GPC5: variants seen among roughly 807,000 people sequenced by gnomAD.
GPC5 encodes the protein glypican 5.
In GPC5, 47 loss-of-function variants were observed where a neutral mutation model predicts 53.9. The observed-to-expected ratio is 0.87, with a 90% CI of 0.69 to 1.11. The LOEUF (loss-of-function observed/expected upper bound fraction) is 1.11. Among genes scored for constraint, GPC5 ranks in the 50% most tolerant of loss-of-function variants. GPC5 has a pLI of 0.00. For missense variants in GPC5, 748 were observed against 713.1 expected (o/e 1.05, Z -0.56); for synonymous variants, 286 against 263.3 (o/e 1.09, Z -0.84).
At chr13:91,942,796 A>C (rs1016960179) in intron 6 of GPC5, among the ~76,000 whole-genome samples, 1 of 152,122 alleles carries the variant, frequency 6.6e-6, no homozygotes, top group African/African-American at 2.4e-5. Context: ...TTGTTGCTCA[A>C]GTCATGCATC....
chr13:92,794,858 C>T (rs1482450083), intron 7 of GPC5, among the ~76,000 whole-genome samples: 1 of 152,056 alleles, frequency 6.6e-6, no homozygotes, highest in Non-Finnish European at 1.5e-5. Context: ...AGGAGAACTA[C>T]AAACCAATGC....
chr13:91,556,979 TAAC>T (rs1367536420), intron 2 of GPC5, among the ~76,000 whole-genome samples: 1 of 151,886 alleles, frequency 6.6e-6, no homozygotes, highest in Non-Finnish European at 1.5e-5. Context: ...AAATAAAAAA[TAAC>T]AACAACAAAA....
intron 7 of GPC5, among the ~76,000 whole-genome samples, chr13:92,785,991 A>T (rs181942558): frequency 1.3e-5 from 2 of 152,204 alleles, no homozygotes; most frequent in Admixed American, 1.3e-4. Flanking sequence ...TACTTTGTCA[A>T]TTACTCAAAA....
chr13:91,575,702 T>A (rs540455494), intron 2 of GPC5, among the ~76,000 whole-genome samples: 2 of 152,098 alleles, frequency 1.3e-5, no homozygotes, highest in Non-Finnish European at 2.9e-5. Flanking sequence ...TTAGTTTTAA[T>A]GAAATACAAT....
At chr13:92,486,288 G>A (rs571167571) in intron 7 of GPC5, among the ~76,000 whole-genome samples, 13 of 152,142 alleles carry the variant, frequency 8.5e-5, no homozygotes, top group South Asian at 6.2e-4. Context: ...GACCTTCACC[G>A]AAAAATACAC....
chr13:91,401,875 A>G lies in GPC5; in HGVS notation c.163+2666A>G, dbSNP rs572190279. ...CTAAGGATGTTTGGATGAGAAATGT[A>G]AAAAAGGAGAGAAGGTGTAAATGTG... On this transcript the variant is annotated intron_variant, in intron 1 of 7. Coordinates refer to ENST00000377067, the MANE Select transcript of GPC5 (RefSeq NM_004466.6). 4.3e-4 allele frequency among the ~76,000 whole-genome samples: 65 copies of G among 152,302 alleles called. 2 individuals carry two copies. In the South Asian group the frequency reaches 0.013, roughly 31 times the overall value.
At chr13:92,592,282 GA>G (rs1437943924) in intron 7 of GPC5, among the ~76,000 whole-genome samples, 3 of 152,126 alleles carry the variant, frequency 2.0e-5, no homozygotes, top group African/African-American at 7.2e-5. Flanking sequence ...TGAGAAGAAG[GA>G]CATGGTGAAG....
At chr13:91,556,302 A>G (rs931756710) in intron 2 of GPC5, among the ~76,000 whole-genome samples, 1 of 151,920 alleles carries the variant, frequency 6.6e-6, no homozygotes, top group Non-Finnish European at 1.5e-5. Flanking sequence ...GGTGCCATTC[A>G]GTGGTTAAAG....
chr13:92,627,933 A>G (rs556042090), intron 7 of GPC5, among the ~76,000 whole-genome samples: 2 of 152,196 alleles, frequency 1.3e-5, no homozygotes, highest in Non-Finnish European at 2.9e-5. Context: ...CCTGGACAGT[A>G]TATTTTTCTT....
At chr13:92,421,105 T>A (rs1237426125) in intron 7 of GPC5, among the ~76,000 whole-genome samples, 1 of 152,234 alleles carries the variant, frequency 6.6e-6, no homozygotes, top group Non-Finnish European at 1.5e-5. Flanking sequence ...AATTTCTTTT[T>A]AACCCTGTGA....
chr13:92,426,028 T>C (rs981990275), intron 7 of GPC5, among the ~76,000 whole-genome samples: 2 of 152,118 alleles, frequency 1.3e-5, no homozygotes, highest in Non-Finnish European at 2.9e-5. Context: ...AGGCTTATTC[T>C]ACTTTTCTGT....
chr13:92,449,276 T>C lies in GPC5; in HGVS notation c.1561+304287T>C, dbSNP rs138025408. Among the ~76,000 whole-genome samples the C allele has an allele frequency of 3.7e-3, 565 of 152,308 alleles. 5 individuals carry two copies. The highest frequency in any genetic ancestry group is 0.013 in the African/African-American group (548 of 41,570). On this transcript the variant is annotated intron_variant, in intron 7 of 7. Coordinates refer to ENST00000377067, the MANE Select transcript of GPC5 (RefSeq NM_004466.6). ...ATTTCTTATTTTGGTGCCAGTGGACTGAGGGAAAGGGCTTTTTGTTCCTTT... is the reference window on the plus strand; with the variant it reads ...ATTTCTTATTTTGGTGCCAGTGGACCGAGGGAAAGGGCTTTTTGTTCCTTT...
chr13:91,904,681 G>A (rs1362038673), intron 5 of GPC5, among the ~76,000 whole-genome samples: 1 of 151,982 alleles, frequency 6.6e-6, no homozygotes, highest in African/African-American at 2.4e-5. Flanking sequence ...TGTTAAAAAG[G>A]GGTTAAACAC....
intron 7 of GPC5, among the ~76,000 whole-genome samples, chr13:92,368,228 G>A (rs928487856): frequency 4.0e-5 from 6 of 151,524 alleles, no homozygotes; most frequent in Admixed American, 6.6e-5. Context: ...CAAGTGATCC[G>A]CCCACCTCCG....
intron 7 of GPC5, among the ~76,000 whole-genome samples, chr13:92,353,266 C>CA (rs563794696): frequency 0.089 from 5,911 of 66,734 alleles, 414 homozygotes; most frequent in South Asian, 0.23. Flanking sequence ...GACTCCGTCT[C>CA]AAAAAAAAAA....
In GPC5 at chr13:92,347,900, TA is replaced by T. The variant is rs1190321601; in HGVS notation, c.1561+202913del. Among the ~76,000 whole-genome samples the T allele has an allele frequency of 4.3e-4, 5 of 11,746 alleles. 2 individuals carry two copies. Among genetic ancestry groups the T allele is most frequent in the African/African-American group, 3.8e-3 (4 of 1,056 alleles). 7.7% of individuals were successfully genotyped at this position (11,746 alleles called of 152,430 possible). Reference sequence around the variant, plus strand: ...ATATATATTATATATATTATATATATAATATATATATAATATATATATATTA... The same window carrying T: ...ATATATATTATATATATTATATATATATATATATATAATATATATATATTA... On this transcript the variant is annotated intron_variant, in intron 7 of 7. Coordinates refer to ENST00000377067, the MANE Select transcript of GPC5 (RefSeq NM_004466.6).
Position 92,435,258 on chromosome 13 carries a change from C to T in GPC5, c.1561+290269C>T, listed in dbSNP as rs1235644870. On this transcript the variant is annotated intron_variant, in intron 7 of 7. Transcript: ENST00000377067. The stretch of plus-strand genomic sequence containing the variant: ...AAAATTAAATGACATATAGTATCCC[C>T]TTATTTTTATTTTGACTTACTTGAA... 3.3e-5 allele frequency among the ~76,000 whole-genome samples: 5 copies of T among 152,080 alleles called. No individual in the cohort carries two copies. The East Asian group carries it at 9.6e-4, about 29-fold the overall frequency.
intron 7 of GPC5, among the ~76,000 whole-genome samples, chr13:92,416,726 T>C (rs1876315009): frequency 6.6e-6 from 1 of 152,154 alleles, no homozygotes; most frequent in Admixed American, 6.6e-5. Flanking sequence ...TAAATTAGAC[T>C]TAATTAAAAT....
At chr13:91,622,460 C>A (rs958689436) in intron 2 of GPC5, among the ~76,000 whole-genome samples, 1 of 151,986 alleles carries the variant, frequency 6.6e-6, no homozygotes, top group African/African-American at 2.4e-5. Flanking sequence ...TGAACATGTT[C>A]GTTTTTGTTA....
Sources: gnomAD v4.1 joint callset for allele counts (sites outside exome capture counted in the v4.1 genomes callset) on GRCh38, gnomAD v4.1.1 for gene constraint, MANE v1.5 for transcripts, NCBI Gene and HGNC (gene_info 2026-07-23, HGNC 2026-07-21) for gene names.